Variants in MINDY4 observed in about 807,000 individuals in gnomAD.
MINDY4 encodes the protein probable ubiquitin carboxyl-terminal hydrolase MINDY-4.
MINDY4 carries 68 observed loss-of-function variants against 87.0 expected under a neutral mutation model. The ratio of observed to expected loss-of-function variants is 0.78; its 90% CI spans 0.64 to 0.96. The LOEUF (loss-of-function observed/expected upper bound fraction) is 0.96. MINDY4 is among the 40% of genes least tolerant of loss of function. The pLI is 0.00. For missense variants in MINDY4, 919 were observed against 928.2 expected (o/e 0.99, Z 0.13); for synonymous variants, 379 against 363.2 (o/e 1.04, Z -0.50).
At chr7:30,800,903 C>A (rs1352998749) in intron 5 of MINDY4, among the ~76,000 whole-genome samples, 2 of 152,224 alleles carry the variant, frequency 1.3e-5, no homozygotes, top group Non-Finnish European at 2.9e-5. Flanking sequence ...GGCAGCAGAT[C>A]TTCATCAATC....
At chr7:30,845,622 C>T (rs1382402255) in intron 9 of MINDY4, among the ~76,000 whole-genome samples, 1 of 152,248 alleles carries the variant, frequency 6.6e-6, no homozygotes, top group Non-Finnish European at 1.5e-5. Context: ...GAGCTCAGGC[C>T]CTGTGGACCC....
chr7:30,786,402 TA>T, intron 4 of MINDY4: 1 of 169,130 alleles, frequency 5.9e-6, no homozygotes, highest in South Asian at 1.6e-4. Context: ...TGCTTGAGCC[TA>T]GGAATTTGAG....
chr7:30,875,952 G>A (rs1380338434), intron 15 of MINDY4, among the ~76,000 whole-genome samples: 1 of 152,172 alleles, frequency 6.6e-6, no homozygotes, highest in Non-Finnish European at 1.5e-5. Context: ...TCTGTGTGGT[G>A]GGGGAGCCTT....
intron 5 of MINDY4, among the ~76,000 whole-genome samples, chr7:30,799,929 T>C (rs1787597564): frequency 6.6e-6 from 1 of 152,188 alleles, no homozygotes; most frequent in Non-Finnish European, 1.5e-5. Context: ...ATGAATTGAC[T>C]CAGAGTTAGT....
chr7:30,772,909 C>T (rs78059384), intron 1 of MINDY4, among the ~76,000 whole-genome samples: 12,980 of 152,144 alleles, frequency 0.085, 915 homozygotes, highest in African/African-American at 0.18. Context: ...TCCTCACTGA[C>T]ATCCAAGCCT....
intron 17 of MINDY4, among the ~76,000 whole-genome samples, chr7:30,887,434 G>T (rs1790665099): frequency 6.6e-6 from 1 of 152,260 alleles, no homozygotes; most frequent in African/African-American, 2.4e-5. Context: ...GTTGAGAGAA[G>T]AGCTGTGGAA....
At chr7:30,780,444 G>A (rs1426692917) in intron 2 of MINDY4, 1 of 152,068 alleles carries the variant, frequency 6.6e-6, no homozygotes, top group Non-Finnish European at 1.5e-5. Flanking sequence ...TAAAGTAGTT[G>A]TTATCTTAAG....
intron 5 of MINDY4, among the ~76,000 whole-genome samples, chr7:30,801,585 C>G (rs933769408): frequency 3.3e-5 from 5 of 152,048 alleles, no homozygotes; most frequent in African/African-American, 1.2e-4. Context: ...TGCCATTTCT[C>G]CTTCTGATTG....
chr7:30,869,401 G>A (rs1370933180), intron 13 of MINDY4, among the ~76,000 whole-genome samples: 1 of 152,206 alleles, frequency 6.6e-6, no homozygotes, highest in Non-Finnish European at 1.5e-5. Flanking sequence ...AAAGGGCTCT[G>A]AATCTAAAAA....
chr7:30,840,785 C>T lies in MINDY4; in HGVS notation c.1382C>T (p.Ala461Val). 6.2e-7 allele frequency: 1 copy of T among 1,614,170 alleles called. No homozygotes were observed. Among genetic ancestry groups the T allele is most frequent in the South Asian group, 1.1e-5 (1 of 91,076 alleles). Residue 461 changes from alanine to valine, a missense_variant, in exon 9 of 18, where the codon GCT (alanine) becomes GTT (valine). Coordinates refer to ENST00000265299, the MANE Select transcript of MINDY4 (RefSeq NM_032222.3). ...NKGGPCGVLA[A>V]VQGCVLQKLL... is the part of the protein sequence containing the mutation. Reference sequence around the variant, plus strand: ...GGTGGTCCTTGCGGAGTCCTGGCAGCTGTCCAAGGCTGTGTCCTACAGAAA... The same window carrying T: ...GGTGGTCCTTGCGGAGTCCTGGCAGTTGTCCAAGGCTGTGTCCTACAGAAA...
intron 5 of MINDY4, among the ~76,000 whole-genome samples, chr7:30,809,807 G>A (rs375362458): frequency 1.0e-4 from 15 of 149,440 alleles, no homozygotes; most frequent in African/African-American, 2.3e-4. Flanking sequence ...GGAAAAAAAA[G>A]GGGGGCAGAA....
intron 6 of MINDY4, among the ~76,000 whole-genome samples, chr7:30,829,637 G>A (rs1023143393): frequency 6.6e-6 from 1 of 152,206 alleles, no homozygotes; most frequent in Non-Finnish European, 1.5e-5. Flanking sequence ...TGCGGAGGTG[G>A]AGGTGGGGGT....
chr7:30,829,317 C>A (rs369376987), intron 6 of MINDY4, among the ~76,000 whole-genome samples: 18 of 152,340 alleles, frequency 1.2e-4, no homozygotes, highest in African/African-American at 4.1e-4. Context: ...ATTCCCTACT[C>A]TCCAAAGACA....
chr7:30,835,150 C>T (rs934491648), intron 6 of MINDY4, among the ~76,000 whole-genome samples: 4 of 152,228 alleles, frequency 2.6e-5, no homozygotes, highest in African/African-American at 7.2e-5. Flanking sequence ...GATAAAGATA[C>T]TCCTGAGACT....
intron 4 of MINDY4, among the ~76,000 whole-genome samples, chr7:30,790,090 G>C (rs1326841201): frequency 6.6e-6 from 1 of 152,194 alleles, no homozygotes; most frequent in African/African-American, 2.4e-5. Context: ...TTTGCTGACT[G>C]CTGCAATACG....
chr7:30,814,349 C>T (rs1263940748), intron 5 of MINDY4, among the ~76,000 whole-genome samples: 2 of 151,978 alleles, frequency 1.3e-5, no homozygotes, highest in African/African-American at 4.8e-5. Flanking sequence ...AAAATTTTAC[C>T]AGTTGAGGTA....
chr7:30,798,388 T>C (rs910824175), intron 5 of MINDY4, among the ~76,000 whole-genome samples: 1 of 152,202 alleles, frequency 6.6e-6, no homozygotes, highest in Non-Finnish European at 1.5e-5. Context: ...AAGATTTTGC[T>C]GAACAACTGT....
intron 15 of MINDY4, 127 bp from the exon 16 acceptor site, chr7:30,882,054 C>T (rs1261255686): frequency 4.2e-6 from 4 of 944,822 alleles, no homozygotes; most frequent in Middle Eastern, 2.8e-4. Context: ...GGGCTCCCAG[C>T]ATCAGACACA....
At chr7:30,833,308 G>T (rs1019472663) in intron 6 of MINDY4, among the ~76,000 whole-genome samples, 2 of 152,212 alleles carry the variant, frequency 1.3e-5, no homozygotes, top group Non-Finnish European at 2.9e-5. Context: ...ATGGTGGAAG[G>T]CAAGGAGGAG....
Sources: gnomAD v4.1 joint callset for allele counts (sites outside exome capture counted in the v4.1 genomes callset) on GRCh38, gnomAD v4.1.1 for gene constraint, MANE v1.5 for transcripts, NCBI Gene and HGNC (gene_info 2026-07-23, HGNC 2026-07-21) for gene names.